Variants in IFITM10 observed in about 807,000 individuals in gnomAD.
IFITM10 encodes interferon induced transmembrane protein 10.
In IFITM10, 17 loss-of-function variants were observed where a neutral mutation model predicts 19.0. The ratio of observed to expected loss-of-function variants is 0.90; its 90% CI spans 0.61 to 1.34. The LOEUF (loss-of-function observed/expected upper bound fraction) is 1.34. IFITM10 is among the 40% of genes most tolerant of loss of function. The pLI is 0.00. For synonymous variants in IFITM10, 148 were observed against 147.2 expected (o/e 1.01, Z -0.04); for missense variants, 306 against 319.8 (o/e 0.96, Z 0.33).
chr11:1,744,775 T>C (rs1449292056), intron 2 of IFITM10: 1 of 152,536 alleles, frequency 6.6e-6, no homozygotes, highest in Admixed American at 6.5e-5. Context: ...TTTGTTTCTA[T>C]TTGTTTTGTG....
chr11:1,738,120 C>A (rs1458967305), intron 2 of IFITM10, among the ~76,000 whole-genome samples: 1 of 151,804 alleles, frequency 6.6e-6, no homozygotes, highest in East Asian at 1.9e-4. Flanking sequence ...GTGTATGGGA[C>A]AGAGAAATGG....
At chr11:1,735,774 T>C (rs751275249) in intron 2 of IFITM10, among the ~76,000 whole-genome samples, 14 of 152,232 alleles carry the variant, frequency 9.2e-5, no homozygotes, top group Non-Finnish European at 2.1e-4. Context: ...TCCTTGTTTT[T>C]TCTTTTTGCA....
chr11:1,735,411 G>A lies in IFITM10; in HGVS notation c.556C>T (p.Leu186Phe), dbSNP rs1409781362. Reference protein sequence around the residue: ...YSLKVRDKKLLNDLNGAVEDA... With the variant: ...YSLKVRDKKLFNDLNGAVEDA... ...TCCACGGCTCCATTCAGGTCATTGA[G>A]AAGCTTCTTGTCTCGCACCTGAAGC... The change falls in exon 3 of 3, where the codon CTC becomes TTC. Residue 186 changes from leucine (L) to phenylalanine (F), a missense_variant. Transcript: ENST00000340134. 7.7e-6 allele frequency: 12 copies of A among 1,551,476 alleles called. No individual in the cohort carries two copies. The highest frequency in any genetic ancestry group is 9.6e-6 in the Non-Finnish European group (11 of 1,146,894).
chr11:1,737,235 A>G (rs1011956531), intron 2 of IFITM10, among the ~76,000 whole-genome samples: 1 of 152,196 alleles, frequency 6.6e-6, no homozygotes, highest in African/African-American at 2.4e-5. Flanking sequence ...TGTTTTTATT[A>G]TAATGTAAAA....
intron 2 of IFITM10, among the ~76,000 whole-genome samples, chr11:1,737,859 T>TA (rs199609504): frequency 0.012 from 1,828 of 152,324 alleles, 38 homozygotes; most frequent in African/African-American, 0.041. Context: ...TCTGAATTCC[T>TA]AAAAAAACTT....
Position 1,744,777 on chromosome 11 carries a change from T to C in IFITM10, c.537+2890A>G, listed in dbSNP as rs545120692. 4 of 152,654 alleles carry C rather than the reference T, an allele frequency of 2.6e-5. 1 individual carries two copies. In the South Asian group the frequency reaches 6.2e-4, roughly 24 times the overall value. 9.5% of individuals were successfully genotyped at this position (152,654 alleles called of 1,614,324 possible). A position where few individuals can be genotyped will look rare whatever the true frequency, so the allele number is the denominator to read the frequency against. On this transcript the variant is annotated intron_variant, in intron 2 of 2. Transcript: ENST00000340134. ...GCTTGAATGTTGTTTTGTTTCTATT[T>C]GTTTTGTGAACAGATGAGGGAACAG...
At chr11:1,741,262 G>C (rs1041372441) in intron 2 of IFITM10, among the ~76,000 whole-genome samples, 14 of 151,948 alleles carry the variant, frequency 9.2e-5, no homozygotes, top group African/African-American at 3.1e-4. Flanking sequence ...GAAGGTTAGG[G>C]AGTCAAAAGC....
At chr11:1,750,312 C>T (rs1293913460) in intron 1 of IFITM10, 47 bp downstream of exon 1, 2 of 1,550,486 alleles carry the variant, frequency 1.3e-6, no homozygotes, top group African/African-American at 1.4e-5. Flanking sequence ...CCTCCAAGTC[C>T]CCCACTTCAC....
chr11:1,743,771 T>C (rs532926105), intron 2 of IFITM10, among the ~76,000 whole-genome samples: 1 of 152,184 alleles, frequency 6.6e-6, no homozygotes, highest in Non-Finnish European at 1.5e-5. Flanking sequence ...CTCTCCCACC[T>C]GGACCACCAC....
Position 1,738,184 on chromosome 11 carries a change from G to A in IFITM10, c.538-2755C>T, listed in dbSNP as rs527265480. Among the ~76,000 whole-genome samples, 124 of 152,220 alleles carry A rather than the reference G, an allele frequency of 8.1e-4. 1 individual carries two copies. Among genetic ancestry groups the A allele is most frequent in the South Asian group, 4.3e-3 (21 of 4,828 alleles). On this transcript the variant is annotated intron_variant, in intron 2 of 2. Transcript: ENST00000340134. ...AGGGCTGGACGGATATAAAATGTAC[G>A]TTGGATGAGTGGGACAGGGAGAGAG...
At position 1,735,382 on chromosome 11, in the gene IFITM10, A is replaced by G. The variant is rs1565010338; in HGVS notation, c.585T>C (p.Asp195=). The change falls in exon 3 of 3, where the codon GAT becomes GAC. Residue 195 remains aspartate, a synonymous_variant. Coordinates refer to ENST00000340134, the MANE Select transcript of IFITM10 (RefSeq NM_001170820.4). Reference sequence around the variant, plus strand: ...TGTTGAACAGCCGGGCCGTCTTTGCATCCTCCACGGCTCCATTCAGGTCAT... The same window carrying G: ...TGTTGAACAGCCGGGCCGTCTTTGCGTCCTCCACGGCTCCATTCAGGTCAT... ...LLNDLNGAVE[D]AKTARLFNIT... is the part of the protein sequence containing the mutation. 2 of 1,551,726 alleles carry G rather than the reference A, an allele frequency of 1.3e-6. No individual in the cohort carries two copies. The highest frequency in any genetic ancestry group is 1.4e-5 in the African/African-American group (1 of 73,164).
In IFITM10 at chr11:1,734,914, A is replaced by T. The variant is rs1028335295; in HGVS notation, c.*366T>A. ...AGAGTGAGTCCTCCCAACCTGGGAC[A>T]ATTTTGCATAAGCCCTTCCTGCTAG... On this transcript the variant is annotated 3_prime_UTR_variant, in exon 3 of 3. Transcript: ENST00000340134. 1.2e-5 allele frequency: 3 copies of T among 256,364 alleles called. No homozygotes were observed. The highest frequency in any genetic ancestry group is 2.2e-5 in the African/African-American group (1 of 44,878). 15.9% of individuals were successfully genotyped at this position (256,364 alleles called of 1,614,324 possible). A position where few individuals can be genotyped will look rare whatever the true frequency, so the allele number is the denominator to read the frequency against.
At chr11:1,746,407 A>G in intron 2 of IFITM10, 1 of 375,112 alleles carries the variant, frequency 2.7e-6, no homozygotes, top group East Asian at 3.6e-5. Flanking sequence ...TCACATGCAC[A>G]CATAGTTACA....
chr11:1,735,486 G>A, intron 2 of IFITM10, 57 bp from the exon 3 acceptor site: 1 of 1,496,988 alleles, frequency 6.7e-7, no homozygotes, highest in Non-Finnish European at 9.0e-7. Context: ...GGGCCTTGGA[G>A]CATCCAGGAG....
At chr11:1,738,323 T>C (rs56260077) in intron 2 of IFITM10, among the ~76,000 whole-genome samples, 50,608 of 152,086 alleles carry the variant, frequency 0.33, 10,098 homozygotes, top group African/African-American at 0.56. Flanking sequence ...TCGTATGATG[T>C]GTTTTTCACA....
Position 1,735,351 on chromosome 11 carries a change from T to C in IFITM10, c.616A>G (p.Ser206Gly). 1 of 1,551,652 alleles carries C rather than the reference T, an allele frequency of 6.4e-7. No individual in the cohort carries two copies. The highest frequency in any genetic ancestry group is 8.7e-7 in the Non-Finnish European group (1 of 1,146,966). The part of the protein sequence containing the change: ...AKTARLFNIT[S>G]SALAASCIIL... ...ATGCAGGAGGCTGCCAGGGCAGAAC[T>C]GGTGATGTTGAACAGCCGGGCCGTC... Residue 206 changes from serine to glycine, a missense_variant, in exon 3 of 3, where the codon AGT (serine) becomes GGT (glycine). Ser to Gly is a moderately conservative substitution (Grantham distance 56, BLOSUM62 0). Coordinates refer to ENST00000340134, the MANE Select transcript of IFITM10 (RefSeq NM_001170820.4).
At chr11:1,744,235 T>TTGGC (rs1845610031) in intron 2 of IFITM10, 1 of 152,362 alleles carries the variant, frequency 6.6e-6, no homozygotes, top group African/African-American at 2.4e-5. Flanking sequence ...GACCCATCTG[T>TTGGC]TGGCCAGCTC....
In IFITM10 at chr11:1,733,690, C is replaced by T. The variant is rs1256703769; in HGVS notation, c.*1590G>A. 4.6e-5 allele frequency: 7 copies of T among 152,284 alleles called. No individual in the cohort carries two copies. Among genetic ancestry groups the T allele is most frequent in the African/African-American group, 1.7e-4 (7 of 41,354 alleles). The allele number at this position is 152,284 out of a possible 1,614,324, so 9.4% of individuals were successfully genotyped here. A position where few individuals can be genotyped will look rare whatever the true frequency, so the allele number is the denominator to read the frequency against. On this transcript the variant is annotated 3_prime_UTR_variant, in exon 3 of 3. Coordinates refer to ENST00000340134, the MANE Select transcript of IFITM10 (RefSeq NM_001170820.4). This position sits in a 1 kb window ranked among gnomAD's most constrained non-coding sequence, Gnocchi z 6.3. ...CATCTTCTTCTCCCTGGTTTCCTGCCCTTGGTACACAGCCCTCTCCACTGG... is the reference window on the plus strand; with the variant it reads ...CATCTTCTTCTCCCTGGTTTCCTGCTCTTGGTACACAGCCCTCTCCACTGG...
Position 1,734,938 on chromosome 11 carries a change from A to C in IFITM10, c.*342T>G. ...CAATTTTGCATAAGCCCTTCCTGCT[A>C]GGTGTCAGGTCCAAGGGGCCCCAGG... is the stretch of plus-strand genomic sequence containing the variant. On this transcript the variant is annotated 3_prime_UTR_variant, in exon 3 of 3. Transcript: ENST00000340134. The C allele has an allele frequency of 3.1e-6, 1 of 317,892 alleles. No individual in the cohort carries two copies. The highest frequency in any genetic ancestry group is 2.1e-5 in the African/African-American group (1 of 46,802). 19.7% of individuals were successfully genotyped at this position (317,892 alleles called of 1,614,324 possible).
Sources: gnomAD v4.1 joint callset for allele counts (sites outside exome capture counted in the v4.1 genomes callset) on GRCh38, gnomAD v4.1.1 for gene constraint, Gnocchi (gnomAD v3.1) non-coding constraint, MANE v1.5 for transcripts, NCBI Gene and HGNC (gene_info 2026-07-23, HGNC 2026-07-21) for gene names.